Variants in JAKMIP2 observed in about 807,000 individuals in gnomAD.
The protein encoded by JAKMIP2 is janus kinase and microtubule-interacting protein 2.
Under a neutral mutation model 115.0 loss-of-function variants are expected in JAKMIP2, and 25 were observed. That is an observed-to-expected ratio of 0.22 (90% CI 0.16 to 0.30). JAKMIP2 has a LOEUF of 0.30. Among genes scored for constraint, JAKMIP2 ranks in the 10% least tolerant of loss-of-function variants. The pLI is 1.00. For missense variants in JAKMIP2, 642 were observed against 957.6 expected, an observed-to-expected ratio of 0.67 and a Z score of 4.35; for synonymous variants, 334 against 343.6, an observed-to-expected ratio of 0.97 and a Z score of 0.31.
chr5:147,627,092 G>A (rs992913769), intron 16 of JAKMIP2, among the ~76,000 whole-genome samples: 1 of 152,186 alleles, frequency 6.6e-6, no homozygotes, highest in Non-Finnish European at 1.5e-5. Flanking sequence ...AAAACAGGGG[G>A]TGGGGAGTGG....
intron 1 of JAKMIP2, among the ~76,000 whole-genome samples, chr5:147,724,551 C>G (rs1278453220): frequency 6.6e-6 from 1 of 152,078 alleles, no homozygotes; most frequent in Admixed American, 6.5e-5. Flanking sequence ...AAATAAAAAC[C>G]ATTATCATTT....
chr5:147,693,298 T>C (rs1469572312), intron 1 of JAKMIP2, among the ~76,000 whole-genome samples: 1 of 152,188 alleles, frequency 6.6e-6, no homozygotes, highest in South Asian at 2.1e-4. Context: ...AGTAGTTGTT[T>C]GGATGCATCT....
chr5:147,635,097 A>T (rs1757548895), intron 12 of JAKMIP2, among the ~76,000 whole-genome samples: 1 of 152,170 alleles, frequency 6.6e-6, no homozygotes, highest in African/African-American at 2.4e-5. Context: ...GAATCGCTTC[A>T]ACCTGGGAGG....
At chr5:147,712,787 G>A (rs1308244950) in intron 1 of JAKMIP2, among the ~76,000 whole-genome samples, 2 of 152,088 alleles carry the variant, frequency 1.3e-5, no homozygotes, top group Non-Finnish European at 2.9e-5. Context: ...CTATGCCTAC[G>A]AATGCTTAAA....
intron 1 of JAKMIP2, among the ~76,000 whole-genome samples, chr5:147,767,925 G>A (rs1755211085): frequency 6.6e-6 from 1 of 152,078 alleles, no homozygotes; most frequent in Admixed American, 6.6e-5. Flanking sequence ...TCTGCAAAGT[G>A]ATCTGTTTGT....
At position 147,631,487 on chromosome 5, in the gene JAKMIP2, A is replaced by C; in HGVS notation, c.1801T>G (p.Phe601Val). 6.2e-7 allele frequency: 1 copy of C among 1,610,708 alleles called. No homozygotes were observed. The highest frequency in any genetic ancestry group is 1.7e-5 in the Admixed American group (1 of 59,992). ...GAGAATGGGTGAATTTGGAGATTAA[A>C]TGGAGGGGATCGTCTCTCTCTCTCC... ...LEERERRSPP[F>V]NLQIHPFSDG... The change falls in exon 14 of 22, where the codon TTT becomes GTT. Residue 601 changes from phenylalanine to valine, a missense_variant. Transcript: ENST00000616793.
At chr5:147,639,307 TA>T in intron 10 of JAKMIP2, among the ~76,000 whole-genome samples, 1 of 152,280 alleles carries the variant, frequency 6.6e-6, no homozygotes, top group East Asian at 1.9e-4. Context: ...TTTTGAAAGA[TA>T]AAAAAGTTCT....
chr5:147,589,709 G>A lies in JAKMIP2; in HGVS notation c.*1998C>T, dbSNP rs1186884910. The A allele has an allele frequency of 6.6e-6, 1 of 152,168 alleles. No individual in the cohort carries two copies. The highest frequency in any genetic ancestry group is 1.5e-5 in the Non-Finnish European group (1 of 68,042). The allele number at this position is 152,168 out of a possible 1,614,324, so 9.4% of individuals were successfully genotyped here. On this transcript the variant is annotated 3_prime_UTR_variant, in exon 22 of 22. Transcript: ENST00000616793. Reference sequence around the variant, plus strand: ...TCTTCTATCTTGTTCAATAGCATGAGATGATCTATTTCCTATAGATTATTA... The same window carrying A: ...TCTTCTATCTTGTTCAATAGCATGAAATGATCTATTTCCTATAGATTATTA...
At chr5:147,713,805 C>G (rs1004931880) in intron 1 of JAKMIP2, among the ~76,000 whole-genome samples, 3 of 152,080 alleles carry the variant, frequency 2.0e-5, no homozygotes, top group Non-Finnish European at 4.4e-5. Context: ...TAGCTGGTGT[C>G]TAGGTAAGCT....
rs1754939768 is a variant in JAKMIP2, at chr5:147,587,886, A to G, written c.*3821T>C. 1 of 151,722 alleles carries G rather than the reference A, an allele frequency of 6.6e-6. No individual in the cohort carries two copies. The highest frequency in any genetic ancestry group is 2.4e-5 in the African/African-American group (1 of 41,260). 9.4% of individuals were successfully genotyped at this position (151,722 alleles called of 1,614,324 possible). A position where few individuals can be genotyped will look rare whatever the true frequency, so the allele number is the denominator to read the frequency against. On this transcript the variant is annotated 3_prime_UTR_variant, in exon 22 of 22. Transcript: ENST00000616793. ...AGTGATAACCCAGGCCTTCTATATC[A>G]GCTCTACCTTATGGACTTGGGAAGA...
At chr5:147,689,906 T>C (rs544904689) in intron 1 of JAKMIP2, among the ~76,000 whole-genome samples, 2 of 152,332 alleles carry the variant, frequency 1.3e-5, no homozygotes, top group Non-Finnish European at 2.9e-5. Context: ...GTTTATACTC[T>C]AGCAGAGTGA....
intron 1 of JAKMIP2, among the ~76,000 whole-genome samples, chr5:147,774,577 T>C (rs79517203): frequency 4.9e-4 from 75 of 152,278 alleles, no homozygotes; most frequent in Non-Finnish European, 9.0e-4. Context: ...ATGAGTATTC[T>C]TGCACTTAAA....
chr5:147,635,941 A>G (rs1030286567), intron 12 of JAKMIP2, among the ~76,000 whole-genome samples: 1 of 152,218 alleles, frequency 6.6e-6, no homozygotes, highest in Non-Finnish European at 1.5e-5. Context: ...ATATATGTAC[A>G]GTATATATAC....
chr5:147,626,075 T>C (rs1427990234), intron 16 of JAKMIP2, among the ~76,000 whole-genome samples: 1 of 152,236 alleles, frequency 6.6e-6, no homozygotes, highest in African/African-American at 2.4e-5. Context: ...TACTCCCATA[T>C]AACAGAGTGC....
At chr5:147,644,519 G>T (rs1041778315) in intron 6 of JAKMIP2, among the ~76,000 whole-genome samples, 2 of 152,190 alleles carry the variant, frequency 1.3e-5, no homozygotes, top group Non-Finnish European at 2.9e-5. Context: ...GACAAGGTGT[G>T]CCTGGGGTAT....
Position 147,654,646 on chromosome 5 carries a change from C to T in JAKMIP2, c.628-4099G>A, listed in dbSNP as rs1213441909. The stretch of plus-strand genomic sequence containing the variant: ...ATGGGGAATTCTAAATACAGAATCA[C>T]GTCATCTGCAAACAGAGATAATTTG... On this transcript the variant is annotated intron_variant, in intron 3 of 21. Coordinates refer to ENST00000616793, the MANE Select transcript of JAKMIP2 (RefSeq NM_001270941.2). 4.6e-5 allele frequency among the ~76,000 whole-genome samples: 7 copies of T among 152,212 alleles called. No homozygotes were observed. The East Asian group carries it at 5.8e-4, about 13-fold the overall frequency.
intron 20 of JAKMIP2, among the ~76,000 whole-genome samples, chr5:147,611,039 A>G (rs1180156091): frequency 1.3e-5 from 2 of 152,040 alleles, no homozygotes; most frequent in African/African-American, 4.8e-5. Context: ...TCCCCCCACC[A>G]AGATCGGGCA....
At chr5:147,708,167 T>TTGAC (rs1752650871) in intron 1 of JAKMIP2, among the ~76,000 whole-genome samples, 1 of 152,110 alleles carries the variant, frequency 6.6e-6, no homozygotes, top group African/African-American at 2.4e-5. Context: ...AATGGAAAAA[T>TTGAC]AGTGTTGACT....
intron 1 of JAKMIP2, among the ~76,000 whole-genome samples, chr5:147,729,230 A>G (rs1373682338): frequency 6.6e-6 from 1 of 152,128 alleles, no homozygotes; most frequent in Non-Finnish European, 1.5e-5. Flanking sequence ...CTAAGAATTT[A>G]GCCCTTTCAT....
Sources: gnomAD v4.1 joint callset for allele counts (sites outside exome capture counted in the v4.1 genomes callset) on GRCh38, gnomAD v4.1.1 for gene constraint, MANE v1.5 for transcripts, NCBI Gene and HGNC (gene_info 2026-07-23, HGNC 2026-07-21) for gene names.